Variants in CENPM observed in about 807,000 individuals in gnomAD.
CENPM encodes interphase centromere complex protein 39.
CENPM carries 14 observed loss-of-function variants against 19.6 expected under a neutral mutation model. The observed-to-expected ratio is 0.71, with a 90% CI of 0.47 to 1.11. The LOEUF (loss-of-function observed/expected upper bound fraction) is 1.11. CENPM is among the 50% of genes most tolerant of loss of function. The pLI, the probability that CENPM is intolerant of heterozygous loss-of-function variation, is 0.00. For synonymous variants in CENPM, 114 were observed against 101.5 expected, an observed-to-expected ratio of 1.12 and a Z score of -0.74; for missense variants, 239 against 228.4, an observed-to-expected ratio of 1.05 and a Z score of -0.30.
At chr22:41,937,028 G>A (rs1472762577), downstream of CENPM, among the ~76,000 whole-genome samples, 1 of 152,188 alleles carries the variant, frequency 6.6e-6, no homozygotes, top group African/African-American at 2.4e-5. Flanking sequence ...TGAGGCTGGT[G>A]GGCATGCCCT....
At chr22:41,930,188 G>A in the CENPM span, among the ~76,000 whole-genome samples, 2 of 149,618 alleles carry the variant, frequency 1.3e-5, no homozygotes, top group Non-Finnish European at 3.0e-5. Flanking sequence ...AGATCTGCCC[G>A]CCTCGCCCTC....
At chr22:41,937,133 C>G (rs1267828987), downstream of CENPM, among the ~76,000 whole-genome samples, 1 of 152,152 alleles carries the variant, frequency 6.6e-6, no homozygotes, top group Admixed American at 6.5e-5. Context: ...ACTTCTGATG[C>G]CTCTACAATC....
At chr22:41,931,838 C>T in the CENPM span, among the ~76,000 whole-genome samples, 4 of 152,228 alleles carry the variant, frequency 2.6e-5, no homozygotes, top group African/African-American at 7.2e-5. Context: ...CCCAGTCCCC[C>T]AGATCTGGAT....
At chr22:41,936,547 C>T (rs949844563), downstream of CENPM, among the ~76,000 whole-genome samples, 26 of 152,286 alleles carry the variant, frequency 1.7e-4, 1 homozygote, top group Admixed American at 9.2e-4. Context: ...CAGATAGGGC[C>T]GCATCCCCGA....
the CENPM span, among the ~76,000 whole-genome samples, chr22:41,933,554 G>A: frequency 2.4e-4 from 37 of 152,128 alleles, no homozygotes; most frequent in Non-Finnish European, 1.5e-5. Flanking sequence ...GCTCTGGGAA[G>A]TACCTACCCA....
chr22:41,928,386 TC>T, the CENPM span, among the ~76,000 whole-genome samples: 3 of 152,078 alleles, frequency 2.0e-5, no homozygotes, highest in East Asian at 5.8e-4. The surrounding 1 kb of genome is among the most constrained non-coding windows in gnomAD (Gnocchi z 4.0). Context: ...CCCTCCGCCC[TC>T]CTGGTCACAT....
At chr22:41,944,980 T>C (rs777882315) in intron 4 of CENPM, 21 of 1,358,614 alleles carry the variant, frequency 1.5e-5, no homozygotes, top group East Asian at 2.8e-5. Flanking sequence ...AGATTTGTTA[T>C]GTAGTTAAAA....
rs750323794 is a variant in CENPM at position 41,946,474 on chromosome 22, A to G, written c.80T>C (p.Leu27Pro). The G allele has an allele frequency of 2.5e-6, 4 of 1,613,300 alleles. No homozygotes were observed. The highest frequency in any genetic ancestry group is 3.3e-5 in the Admixed American group (2 of 60,012). ...TILLVGTEDALLQQLADSMLK... is the reference protein window; with the variant it reads ...TILLVGTEDAPLQQLADSMLK... ...CATCGAGTCCGCCAGCTGCTGCAGA[A>G]GAGCATCCTCCGTGCCCACCAGCTG... is the stretch of plus-strand genomic sequence containing the variant. Residue 27 changes from leucine to proline, a missense_variant, in exon 2 of 6, where the codon CTT becomes CCT. Physicochemically the swap from Leu to Pro is moderately conservative, Grantham distance 98 (BLOSUM62 -3). Coordinates refer to ENST00000215980, the MANE Select transcript of CENPM (RefSeq NM_024053.5).
At chr22:41,941,160 C>G (rs2077735438) in intron 5 of CENPM, among the ~76,000 whole-genome samples, 1 of 152,216 alleles carries the variant, frequency 6.6e-6, no homozygotes, top group Non-Finnish European at 1.5e-5. Context: ...TTCACTGGGC[C>G]AATCACATAC....
chr22:41,938,444 C>T (rs537120185), downstream of CENPM, among the ~76,000 whole-genome samples: 2 of 147,350 alleles, frequency 1.4e-5, no homozygotes, highest in East Asian at 3.9e-4. Flanking sequence ...CAGCTCACTG[C>T]AACCTCCGCC....
chr22:41,935,853 G>A (rs1307942419), downstream of CENPM, among the ~76,000 whole-genome samples: 1 of 151,922 alleles, frequency 6.6e-6, no homozygotes, highest in Non-Finnish European at 1.5e-5. Context: ...CTCAGGGCCT[G>A]GCCAGTGGAG....
chr22:41,946,071 T>C (rs2077797844), intron 2 of CENPM, 66 bp from the exon 3 acceptor site: 1 of 1,370,518 alleles, frequency 7.3e-7, no homozygotes, highest in Non-Finnish European at 1.0e-6. Flanking sequence ...GTTTAAATGC[T>C]GCCCTTCATG....
At chr22:41,938,141 A>ATTT (rs11440934), downstream of CENPM, among the ~76,000 whole-genome samples, 13 of 120,038 alleles carry the variant, frequency 1.1e-4, no homozygotes, top group African/African-American at 2.5e-4. Flanking sequence ...CGCGCCCAGC[A>ATTT]TTTTTTTTTT....
chr22:41,945,104 C>T, intron 4 of CENPM, 121 bp downstream of exon 4: 1 of 1,558,486 alleles, frequency 6.4e-7, no homozygotes, highest in Non-Finnish European at 8.7e-7. Context: ...CTCCGATAGG[C>T]CCCAGTGTGT....
At position 41,946,404 on chromosome 22, in the gene CENPM, C is replaced by G. The variant is rs776567175; in HGVS notation, c.137+13G>C. 1.9e-6 allele frequency: 3 copies of G among 1,611,698 alleles called. No individual in the cohort carries two copies. Among genetic ancestry groups the G allele is most frequent in the Non-Finnish European group, 2.5e-6 (3 of 1,178,882 alleles). ...GAGACACGTGGGCCCAGGCCACAGC[C>G]GCGGCTACTTACACCTTCAGCTCGG... On this transcript the variant is annotated intron_variant, in intron 2 of 5. Transcript: ENST00000215980.
downstream of CENPM, among the ~76,000 whole-genome samples, chr22:41,937,294 G>A (rs560515740): frequency 2.3e-3 from 343 of 152,290 alleles, 2 homozygotes; most frequent in African/African-American, 7.9e-3. Flanking sequence ...TTTGAACTCC[G>A]CTGTGTGATT....
chr22:41,933,467 G>C, the CENPM span, among the ~76,000 whole-genome samples: 9 of 152,092 alleles, frequency 5.9e-5, no homozygotes, highest in African/African-American at 2.2e-4. Context: ...CAGCTCGCAG[G>C]GGCCCCAAGT....
chr22:41,946,829 T>C lies in CENPM; in HGVS notation c.57+191A>G, dbSNP rs1283560552. 90 of 623,046 alleles carry C rather than the reference T, an allele frequency of 1.4e-4. No homozygotes were observed. In the East Asian group the frequency reaches 2.5e-3, roughly 17 times the overall value. 38.6% of individuals were successfully genotyped at this position (623,046 alleles called of 1,614,324 possible). ...GGGAAAGGGTCCGCCGAGCACCTAT[T>C]GGTGGGTGCGTCCCTCAACCTCAGA... On this transcript the variant is annotated intron_variant, in intron 1 of 5. Transcript: ENST00000215980.
At chr22:41,946,325 AG>A in intron 2 of CENPM, 91 bp downstream of exon 2, 2 of 1,083,296 alleles carry the variant, frequency 1.8e-6, no homozygotes, top group Non-Finnish European at 1.4e-6. Context: ...GCCTCAGAGG[AG>A]GGGGCGCTGG....
Sources: allele counts gnomAD v4.1 joint callset (sites outside exome capture counted in the v4.1 genomes callset), GRCh38; gene constraint gnomAD v4.1.1; non-coding constraint Gnocchi (gnomAD v3.1); transcripts MANE v1.5; gene names NCBI Gene and HGNC (gene_info 2026-07-23, HGNC 2026-07-21).